The following VGLL4 variants were observed in gnomAD, a reference collection of about 807,000 sequenced individuals.
VGLL4 encodes the protein vestigial like family member 4.
Under a neutral mutation model 21.0 loss-of-function variants are expected in VGLL4, and 7 were observed. The ratio of observed to expected loss-of-function variants is 0.33; its 90% confidence interval spans 0.19 to 0.63. The LOEUF is 0.63. Among genes scored for constraint, VGLL4 ranks in the 20% least tolerant of loss-of-function variants. VGLL4 has a pLI of 0.78. For missense variants in VGLL4, 394 were observed against 425.7 expected, an observed-to-expected ratio of 0.93 and a Z score of 0.66; for synonymous variants, 222 against 173.2, an observed-to-expected ratio of 1.28 and a Z score of -2.21.
rs1297183285 is a variant in VGLL4, at chr3:11,565,628, T to A, written c.273-609A>T. ...GGCACGTGCTCTGGGGTTCCCGGGG[T>A]GCTGTAGGGAGCCGGCGCGCAGCTC... is the stretch of plus-strand genomic sequence containing the variant. On this transcript the variant is annotated intron_variant, in intron 2 of 4. Coordinates refer to ENST00000430365, the MANE Select transcript of VGLL4 (RefSeq NM_001128219.3). This position sits in a 1 kb window ranked among gnomAD's most constrained non-coding sequence, Gnocchi z 4.1. Among the ~76,000 whole-genome samples, 1 of 151,970 alleles carries A rather than the reference T, an allele frequency of 6.6e-6. No individual in the cohort carries two copies. Among genetic ancestry groups the A allele is most frequent in the African/African-American group, 2.4e-5 (1 of 41,374 alleles).
At chr3:11,567,774 G>A (rs2073604855) in intron 2 of VGLL4, among the ~76,000 whole-genome samples, 2 of 152,202 alleles carry the variant, frequency 1.3e-5, no homozygotes, top group Admixed American at 1.3e-4. Flanking sequence ...CAGTTCATCA[G>A]TGTCACCACA....
intron 1 of VGLL4, among the ~76,000 whole-genome samples, chr3:11,637,382 GGTACTA>G (rs1219603206): frequency 1.3e-4 from 19 of 148,060 alleles, no homozygotes; most frequent in African/African-American, 4.8e-4. Context: ...ATAACAAAAT[GGTACTA>G]GTACTAAGTT....
chr3:11,617,960 G>C (rs1263210807), intron 1 of VGLL4, among the ~76,000 whole-genome samples: 1 of 152,128 alleles, frequency 6.6e-6, no homozygotes, highest in African/African-American at 2.4e-5. Flanking sequence ...AAACAATTTA[G>C]ATGTCCACTG....
intron 2 of VGLL4, among the ~76,000 whole-genome samples, chr3:11,701,352 A>G (rs1332017278): frequency 8.4e-6 from 1 of 119,048 alleles, no homozygotes; most frequent in Non-Finnish European, 2.1e-5. Context: ...GCCTCTCCAG[A>G]AGCCAAGCAG....
chr3:11,628,246 A>G (rs539298400), intron 1 of VGLL4, among the ~76,000 whole-genome samples: 9 of 152,086 alleles, frequency 5.9e-5, no homozygotes, highest in African/African-American at 2.2e-4. Flanking sequence ...AAATTAGCCA[A>G]GCATGGTGGT....
intron 1 of VGLL4, among the ~76,000 whole-genome samples, chr3:11,629,746 C>CAAAAAAAAAAAAAA (rs10609918): frequency 1.2e-5 from 1 of 85,362 alleles, no homozygotes; most frequent in Non-Finnish European, 2.3e-5. Flanking sequence ...AGACGGGTCT[C>CAAAAAAAAAAAAAA]AAAAAAAAAA....
chr3:11,571,600 A>C (rs1048534326), intron 2 of VGLL4, among the ~76,000 whole-genome samples: 2 of 152,166 alleles, frequency 1.3e-5, no homozygotes, highest in Non-Finnish European at 1.5e-5. Flanking sequence ...CCAGTAAGTT[A>C]AGGCTACAGT....
At chr3:11,561,547 C>G (rs1157267039) in intron 3 of VGLL4, among the ~76,000 whole-genome samples, 1 of 152,242 alleles carries the variant, frequency 6.6e-6, no homozygotes, top group Non-Finnish European at 1.5e-5. Flanking sequence ...CCCCTCCTCC[C>G]CAGCTGGAGT....
intron 2 of VGLL4, among the ~76,000 whole-genome samples, chr3:11,686,079 T>C (rs2076443249): frequency 1.3e-5 from 2 of 152,178 alleles, no homozygotes; most frequent in South Asian, 4.1e-4. Flanking sequence ...CCCTTGTGTA[T>C]GGGAATGTAA....
chr3:11,588,344 T>C (rs932982560), intron 2 of VGLL4, among the ~76,000 whole-genome samples: 4 of 152,190 alleles, frequency 2.6e-5, no homozygotes, highest in African/African-American at 7.2e-5. Context: ...AGTATTCACC[T>C]TGAAGCAGGA....
chr3:11,637,750 A>G lies in VGLL4; in HGVS notation c.82+5687T>C, dbSNP rs78753123. Among the ~76,000 whole-genome samples the G allele has an allele frequency of 3.9e-3, 587 of 149,548 alleles. 7 individuals are homozygous for G. The highest frequency in any genetic ancestry group is 0.013 in the African/African-American group (556 of 41,420). On this transcript the variant is annotated intron_variant, in intron 1 of 4. Transcript: ENST00000430365. ...TCAGAAAGGAAAGGAGAGCAAATGA[A>G]GAAAGCAAAATCATTTTCAGGTCCT...
intron 2 of VGLL4, chr3:11,671,112 A>G (rs1009871164): frequency 6.2e-6 from 5 of 802,152 alleles, no homozygotes; most frequent in Admixed American, 5.6e-5. Flanking sequence ...GACCACAGTC[A>G]GGACTCAAGC....
chr3:11,573,291 GAAA>G (rs1559869750), intron 2 of VGLL4, among the ~76,000 whole-genome samples: 506 of 10,914 alleles, frequency 0.046, 60 homozygotes, highest in Middle Eastern at 0.14. Flanking sequence ...AAGAAAGAAA[GAAA>G]GAAAGAAAGA....
rs59917640 is a variant in VGLL4 at position 11,609,780 on chromosome 3, C to T, written c.83-7758G>A. Among the ~76,000 whole-genome samples, 844 of 152,230 alleles carry T rather than the reference C, an allele frequency of 5.5e-3. 9 individuals are homozygous for T. The highest frequency in any genetic ancestry group is 0.019 in the African/African-American group (803 of 41,508). On this transcript the variant is annotated intron_variant, in intron 1 of 4. Coordinates refer to ENST00000430365, the MANE Select transcript of VGLL4 (RefSeq NM_001128219.3). ...CGATGGCATGGCTCTGAGCAATTAA[C>T]CAAAATAATGGTATTTATGGGCATT...
rs747462181 is a variant in VGLL4, at chr3:11,558,811, G to A, written c.636C>T (p.Asp212=). The A allele has an allele frequency of 6.2e-7, 1 of 1,611,998 alleles. No individual in the cohort carries two copies. Among genetic ancestry groups the A allele is most frequent in the South Asian group, 1.1e-5 (1 of 91,062 alleles). The part of the protein sequence containing the change: ...RRPPSAATTC[D]PVVEEHFRRS... ...TGCGGAAATGCTCCTCCACCACGGG[G>A]TCACAGGTGGTGGCAGCTGCAGGCA... is the stretch of plus-strand genomic sequence containing the variant. Residue 212 remains aspartate (D), a synonymous_variant, in exon 5 of 5, where the codon GAC becomes GAT. Transcript: ENST00000430365.
intron 2 of VGLL4, among the ~76,000 whole-genome samples, chr3:11,577,332 C>T (rs531918726): frequency 2.0e-5 from 3 of 152,206 alleles, no homozygotes; most frequent in Non-Finnish European, 4.4e-5. Context: ...GGTGTGGTGG[C>T]TCACGCCTGT....
intron 1 of VGLL4, among the ~76,000 whole-genome samples, chr3:11,641,195 T>C (rs568262249): frequency 7.9e-5 from 12 of 151,584 alleles, no homozygotes; most frequent in East Asian, 1.9e-4. Flanking sequence ...CTAAGGAATA[T>C]GGTATAATTT....
At chr3:11,655,082 T>G (rs2075936536) in intron 2 of VGLL4, among the ~76,000 whole-genome samples, 1 of 152,160 alleles carries the variant, frequency 6.6e-6, no homozygotes, top group Non-Finnish European at 1.5e-5. Flanking sequence ...CCACCCACTA[T>G]TAGAGCAGTT....
chr3:11,683,597 G>A (rs750586513), intron 2 of VGLL4, among the ~76,000 whole-genome samples: 2 of 151,982 alleles, frequency 1.3e-5, no homozygotes, highest in Admixed American at 6.6e-5. Context: ...TCAAAAGTTC[G>A]AGACCAGCCT....
Sources: gnomAD v4.1 joint callset for allele counts (sites outside exome capture counted in the v4.1 genomes callset) on GRCh38, gnomAD v4.1.1 for gene constraint, Gnocchi (gnomAD v3.1) non-coding constraint, MANE v1.5 for transcripts, NCBI Gene and HGNC (gene_info 2026-07-23, HGNC 2026-07-21) for gene names.